Variants in ZPLD1 observed in about 807,000 individuals in gnomAD.
ZPLD1 encodes zona pellucida-like domain-containing protein 1.
A neutral mutation model predicts 47.2 loss-of-function variants in ZPLD1; 34 were observed. The observed-to-expected ratio is 0.72, with a 90% CI of 0.55 to 0.96. The LOEUF (loss-of-function observed/expected upper bound fraction) is 0.96, where lower values mean the gene tolerates loss of function less well. Among genes scored for constraint, ZPLD1 ranks in the 40% least tolerant of loss-of-function variants. The pLI is 0.00. For missense variants in ZPLD1, 512 were observed against 505.8 expected (o/e 1.01, Z -0.12); for synonymous variants, 176 against 186.2 (o/e 0.95, Z 0.45).
At chr3:102,469,907 C>G (rs181135833) in intron 9 of ZPLD1, among the ~76,000 whole-genome samples, 1 of 152,104 alleles carries the variant, frequency 6.6e-6, no homozygotes, top group African/African-American at 2.4e-5. Flanking sequence ...AATGCATGCC[C>G]TTTTTTAATT....
chr3:102,413,095 C>T (rs967462792), intron 7 of ZPLD1, among the ~76,000 whole-genome samples: 6 of 151,612 alleles, frequency 4.0e-5, no homozygotes, highest in Admixed American at 3.3e-4. Context: ...GTCATCTGTC[C>T]TTTGGTGTGT....
chr3:102,473,579 G>T (rs116407073), intron 10 of ZPLD1, among the ~76,000 whole-genome samples: 3,309 of 152,072 alleles, frequency 0.022, 56 homozygotes, highest in Non-Finnish European at 0.033. Context: ...ATTCTCTCTC[G>T]AATTATTTTT....
upstream of ZPLD1, among the ~76,000 whole-genome samples, chr3:102,433,701 G>A (rs931499793): frequency 2.0e-5 from 3 of 151,922 alleles, no homozygotes; most frequent in East Asian, 3.9e-4. Context: ...TAATTTTTTT[G>A]TATTTTTTTA....
intron 7 of ZPLD1, among the ~76,000 whole-genome samples, chr3:102,393,056 G>A (rs1041714673): frequency 6.6e-6 from 1 of 151,814 alleles, no homozygotes; most frequent in African/African-American, 2.4e-5. Context: ...CTTATCTAAG[G>A]CCTAAACAAT....
intron 7 of ZPLD1, among the ~76,000 whole-genome samples, chr3:102,400,350 G>T (rs766823286): frequency 3.6e-4 from 55 of 151,992 alleles, no homozygotes; most frequent in Non-Finnish European, 6.2e-4. Context: ...ATTTCCTGTC[G>T]CTAACTAAAG....
At chr3:102,460,741 T>A (rs1284879607) in intron 6 of ZPLD1, among the ~76,000 whole-genome samples, 1 of 151,814 alleles carries the variant, frequency 6.6e-6, no homozygotes, top group Non-Finnish European at 1.5e-5. Flanking sequence ...TAGGAAAAAA[T>A]TGATGATTCA....
At position 102,476,998 on chromosome 3, in the gene ZPLD1, T is replaced by C; in HGVS notation, c.1043-14T>C. 1.9e-6 allele frequency: 3 copies of C among 1,612,888 alleles called. No homozygotes were observed. The highest frequency in any genetic ancestry group is 2.5e-6 in the Non-Finnish European group (3 of 1,179,106). ...AGATGATGTCACTTCTCTTTTTCTGTTTTTTCCCCTCAGATGAGACTCCAA... is the reference window on the plus strand; with the variant it reads ...AGATGATGTCACTTCTCTTTTTCTGCTTTTTCCCCTCAGATGAGACTCCAA... On this transcript the variant is annotated splice_polypyrimidine_tract_variant and intron_variant, in intron 10 of 11. Transcript: ENST00000466937.
chr3:102,452,385 G>A (rs62272483), intron 3 of ZPLD1, among the ~76,000 whole-genome samples: 19,983 of 151,294 alleles, frequency 0.13, 1,394 homozygotes, highest in Middle Eastern at 0.18. Flanking sequence ...TTTAATTTAG[G>A]CAAAATAAAA....
chr3:102,390,835 T>C (rs184508119), intron 6 of ZPLD1, among the ~76,000 whole-genome samples: 236 of 152,300 alleles, frequency 1.5e-3, no homozygotes, highest in Admixed American at 3.2e-3. Flanking sequence ...ATTATTGGAA[T>C]GTTGCAAACT....
At chr3:102,475,668 A>G (rs562973513) in intron 10 of ZPLD1, among the ~76,000 whole-genome samples, 1 of 152,222 alleles carries the variant, frequency 6.6e-6, no homozygotes, top group South Asian at 2.1e-4. Context: ...ATTTTTCTGA[A>G]TGTTGTATAA....
chr3:102,394,179 G>A (rs1706532252), intron 7 of ZPLD1, among the ~76,000 whole-genome samples: 1 of 152,074 alleles, frequency 6.6e-6, no homozygotes, highest in East Asian at 1.9e-4. Flanking sequence ...AATTACCTAC[G>A]GAAGTTAGAG....
At chr3:102,476,596 T>C (rs894809611) in intron 10 of ZPLD1, among the ~76,000 whole-genome samples, 12 of 152,100 alleles carry the variant, frequency 7.9e-5, no homozygotes, top group Non-Finnish European at 1.5e-4. Context: ...ATAATGAATA[T>C]TCCGTATAAC....
chr3:102,466,933 T>C (rs1390586925), intron 8 of ZPLD1, among the ~76,000 whole-genome samples: 1 of 151,774 alleles, frequency 6.6e-6, no homozygotes, highest in Non-Finnish European at 1.5e-5. Flanking sequence ...AGGAACACTT[T>C]CCTAAATTAA....
At position 102,424,250 on chromosome 3, in the gene ZPLD1, T is replaced by G. The variant is rs547217003; in HGVS notation, c.-9+6043T>G. On this transcript the variant is annotated intron_variant, in intron 8 of 17. Coordinates refer to the ZPLD1 transcript ENST00000491959. Reference sequence around the variant, plus strand: ...CAGTCTCTTGAATATACATATTTTTTGCATTTCCTTTCTCTGCCATCAAGT... The same window carrying G: ...CAGTCTCTTGAATATACATATTTTTGGCATTTCCTTTCTCTGCCATCAAGT... Among the ~76,000 whole-genome samples the G allele has an allele frequency of 2.0e-5, 3 of 152,276 alleles. No homozygotes were observed. In the South Asian group the frequency reaches 6.2e-4, roughly 32 times the overall value.
intron 6 of ZPLD1, 91 bp from the exon 7 acceptor site, chr3:102,462,186 ACTTT>A: frequency 1.4e-6 from 1 of 719,382 alleles, no homozygotes; most frequent in Non-Finnish European, 2.2e-6. Flanking sequence ...ATGTTGATTT[ACTTT>A]CTTTTTTCTC....
intron 3 of ZPLD1, among the ~76,000 whole-genome samples, chr3:102,439,312 GTCC>G (rs2107321414): frequency 6.6e-6 from 1 of 152,348 alleles, no homozygotes; most frequent in East Asian, 1.9e-4. Context: ...AAACCTGCCA[GTCC>G]TCCTGTGTTT....
intron 3 of ZPLD1, among the ~76,000 whole-genome samples, chr3:102,451,135 A>G (rs1011724228): frequency 2.6e-5 from 4 of 152,180 alleles, no homozygotes; most frequent in Admixed American, 6.5e-5. Flanking sequence ...AGACATTTCC[A>G]TATTGCTTAT....
intron 2 of ZPLD1, 23 bp from the exon 3 acceptor site, chr3:102,438,457 C>T (rs1359946821): frequency 3.8e-6 from 6 of 1,561,684 alleles, no homozygotes; most frequent in Non-Finnish European, 5.3e-6. Context: ...GGAGTGTCCA[C>T]ATGATAGATA....
intron 6 of ZPLD1, among the ~76,000 whole-genome samples, chr3:102,459,853 A>G (rs1302520308): frequency 1.3e-5 from 2 of 152,122 alleles, no homozygotes; most frequent in Non-Finnish European, 1.5e-5. Context: ...ATTATTAACC[A>G]AAGTCCATAG....
Sources: allele counts gnomAD v4.1 joint callset (sites outside exome capture counted in the v4.1 genomes callset), GRCh38; gene constraint gnomAD v4.1.1; transcripts MANE v1.5; gene names NCBI Gene and HGNC (gene_info 2026-07-23, HGNC 2026-07-21).